CADM2: variants seen among roughly 807,000 people sequenced by gnomAD.
CADM2 encodes the protein cell adhesion molecule 2.
CADM2 carries 12 observed loss-of-function variants against 49.8 expected under a neutral mutation model. The observed-to-expected ratio is 0.24, with a 90% CI of 0.15 to 0.39. The LOEUF (loss-of-function observed/expected upper bound fraction) is 0.39. Ranked by LOEUF, CADM2 falls within the 10% of genes least tolerant of loss-of-function variation. The pLI is 1.00. For missense variants in CADM2, 378 were observed against 492.3 expected, an observed-to-expected ratio of 0.77 and a Z score of 2.20; for synonymous variants, 214 against 175.4, an observed-to-expected ratio of 1.22 and a Z score of -1.74.
chr3:85,730,157 C>T (rs756581283), intron 2 of CADM2, among the ~76,000 whole-genome samples: 6 of 152,046 alleles, frequency 3.9e-5, no homozygotes, highest in Non-Finnish European at 8.8e-5. Context: ...ATCTCTCATT[C>T]CTGGCCGGGT....
At chr3:85,593,185 AT>A (rs2063153339) in intron 1 of CADM2, among the ~76,000 whole-genome samples, 1 of 150,794 alleles carries the variant, frequency 6.6e-6, no homozygotes, top group African/African-American at 2.4e-5. Flanking sequence ...ATTTTATTTT[AT>A]TTTATTATAC....
intron 3 of CADM2, among the ~76,000 whole-genome samples, chr3:85,810,875 C>T (rs2108125084): frequency 6.6e-6 from 1 of 152,240 alleles, no homozygotes; most frequent in Non-Finnish European, 1.5e-5. Flanking sequence ...TCTACTTTTG[C>T]TGAAGATGAA....
At chr3:85,939,738 G>A (rs73843520) in intron 7 of CADM2, among the ~76,000 whole-genome samples, 6,462 of 149,204 alleles carry the variant, frequency 0.043, 478 homozygotes, top group African/African-American at 0.15. Context: ...CCAGCACAAT[G>A]TTTATGCTGT....
rs147253280 is a variant in CADM2 at position 85,639,146 on chromosome 3, T to G, written c.62-87376T>G. Among the ~76,000 whole-genome samples, 6 of 152,354 alleles carry G rather than the reference T, an allele frequency of 3.9e-5. No homozygotes were observed. In the East Asian group the frequency reaches 1.2e-3, roughly 29 times the overall value. On this transcript the variant is annotated intron_variant, in intron 1 of 9. Coordinates refer to ENST00000383699, the MANE Select transcript of CADM2 (RefSeq NM_001167675.2). ...CATTATTTTAAATTTATTAACTTGT[T>G]GAAAATAATTTCAAATTTGCTTTAA...
At chr3:85,447,362 G>A (rs1165319505) in intron 1 of CADM2, among the ~76,000 whole-genome samples, 1 of 152,038 alleles carries the variant, frequency 6.6e-6, no homozygotes, top group Non-Finnish European at 1.5e-5. Context: ...TAATTCTATA[G>A]TAAATTAGTT....
intron 1 of CADM2, among the ~76,000 whole-genome samples, chr3:85,232,125 G>A (rs892317871): frequency 3.9e-5 from 5 of 128,694 alleles, no homozygotes; most frequent in East Asian, 4.1e-4. Flanking sequence ...TATTTTGTTC[G>A]ATTTGAAGAT....
At position 85,203,090 on chromosome 3, in the gene CADM2, C is replaced by G. The variant is rs7633984; in HGVS notation, c.61+243422C>G. 2.8e-3 allele frequency among the ~76,000 whole-genome samples: 421 copies of G among 152,246 alleles called. 3 individuals carry two copies. Among genetic ancestry groups the G allele is most frequent in the African/African-American group, 9.8e-3 (409 of 41,530 alleles). On this transcript the variant is annotated intron_variant, in intron 1 of 9. Transcript: ENST00000383699. ...GTGGCTGGTTTGAGCTTCTTGCAGA[C>G]CACTCAAGCTGGAGCTCTTTCTTAT...
intron 1 of CADM2, among the ~76,000 whole-genome samples, chr3:85,620,150 C>G (rs1365750566): frequency 6.6e-6 from 1 of 152,002 alleles, no homozygotes; most frequent in Non-Finnish European, 1.5e-5. Flanking sequence ...GTGACATATT[C>G]ACATGGAAAG....
intron 1 of CADM2, among the ~76,000 whole-genome samples, chr3:85,533,262 C>T (rs866065755): frequency 2.3e-4 from 35 of 152,054 alleles, no homozygotes; most frequent in African/African-American, 7.7e-4. Flanking sequence ...CCTTTATAAG[C>T]AAATTATATA....
intron 1 of CADM2, among the ~76,000 whole-genome samples, chr3:85,716,453 T>A (rs1211050843): frequency 2.0e-5 from 3 of 152,210 alleles, no homozygotes; most frequent in Admixed American, 6.5e-5. Context: ...ATTCTGTAGA[T>A]TGCCTGTTCA....
intron 1 of CADM2, among the ~76,000 whole-genome samples, chr3:85,396,111 A>T (rs951583175): frequency 2.0e-5 from 3 of 151,496 alleles, no homozygotes; most frequent in African/African-American, 7.2e-5. Flanking sequence ...CTAATGTTTC[A>T]AAATAAATTT....
chr3:85,436,887 G>GTTCA (rs1309810077), intron 1 of CADM2, among the ~76,000 whole-genome samples: 1 of 152,122 alleles, frequency 6.6e-6, no homozygotes, highest in Non-Finnish European at 1.5e-5. Flanking sequence ...TTACACTAGG[G>GTTCA]TTCACTCTTG....
intron 1 of CADM2, among the ~76,000 whole-genome samples, chr3:85,283,292 T>C (rs2043550529): frequency 6.6e-6 from 1 of 151,866 alleles, no homozygotes; most frequent in African/African-American, 2.4e-5. Context: ...TTATTAATAT[T>C]GGTAGTAGTA....
At chr3:86,011,436 A>G (rs994876246) in intron 8 of CADM2, among the ~76,000 whole-genome samples, 1 of 152,148 alleles carries the variant, frequency 6.6e-6, no homozygotes, top group East Asian at 1.9e-4. Context: ...GGAAAACTCC[A>G]TTCAAGAAAC....
chr3:85,392,122 G>A (rs1411450108), intron 1 of CADM2, among the ~76,000 whole-genome samples: 1 of 152,022 alleles, frequency 6.6e-6, no homozygotes, highest in African/African-American at 2.4e-5. Context: ...AAATAATAAA[G>A]ATGCCAGGAC....
At chr3:85,737,394 T>C (rs951541560) in intron 2 of CADM2, among the ~76,000 whole-genome samples, 1 of 152,150 alleles carries the variant, frequency 6.6e-6, no homozygotes, top group African/African-American at 2.4e-5. Flanking sequence ...CACACCTAAA[T>C]TGTATATTCT....
chr3:85,924,330 T>G (rs1719540427), intron 6 of CADM2, among the ~76,000 whole-genome samples: 1 of 152,090 alleles, frequency 6.6e-6, no homozygotes, highest in African/African-American at 2.4e-5. Flanking sequence ...TGGTTCACGC[T>G]TGTAATCATA....
chr3:85,861,509 T>TTGGAGATGACTGTTA (rs2075533385), intron 3 of CADM2, among the ~76,000 whole-genome samples: 1 of 152,080 alleles, frequency 6.6e-6, no homozygotes, highest in Admixed American at 6.6e-5. Context: ...ACATGTTAAA[T>TTGGAGATGACTGTTA]TGGAGATGAC....
At chr3:85,197,423 C>T (rs904814519) in intron 1 of CADM2, among the ~76,000 whole-genome samples, 3 of 151,902 alleles carry the variant, frequency 2.0e-5, no homozygotes, top group Non-Finnish European at 2.9e-5. Flanking sequence ...TTGTGCCACT[C>T]TGTCTAATAC....
Sources: allele counts gnomAD v4.1 joint callset (sites outside exome capture counted in the v4.1 genomes callset), GRCh38; gene constraint gnomAD v4.1.1; transcripts MANE v1.5; gene names NCBI Gene and HGNC (gene_info 2026-07-23, HGNC 2026-07-21).